Variants in CRYAB observed in about 807,000 individuals in gnomAD.
CRYAB encodes the protein crystallin alpha B.
CRYAB carries 9 observed loss-of-function variants against 12.7 expected under a neutral mutation model. The observed-to-expected ratio is 0.71, with a 90% confidence interval of 0.43 to 1.24. CRYAB has a LOEUF of 1.24. CRYAB is among the 50% of genes most tolerant of loss of function. The pLI is 0.00. For synonymous variants in CRYAB, 93 were observed against 86.8 expected (o/e 1.07, Z -0.40); for missense variants, 183 against 226.6 (o/e 0.81, Z 1.24).
upstream of CRYAB, chr11:111,913,738 G>A (rs587739341): frequency 7.9e-5 from 127 of 1,614,046 alleles, no homozygotes; most frequent in South Asian, 1.3e-3. Flanking sequence ...GACCCCTGGC[G>A]AGTCCGAGCT....
intron 1 of CRYAB, 156 bp from the exon 2 acceptor site, chr11:111,910,605 T>C: frequency 2.1e-6 from 2 of 959,062 alleles, no homozygotes; most frequent in Non-Finnish European, 3.2e-6. Flanking sequence ...AACATAGCTG[T>C]CTGCTTCAGG....
intron 1 of CRYAB, chr11:111,918,758 C>T: frequency 1.5e-6 from 1 of 685,560 alleles, no homozygotes; most frequent in South Asian, 1.5e-5. Flanking sequence ...AGATAGCTCT[C>T]ACCTGGAGCC....
chr11:111,918,588 C>T (rs1301630800), intron 1 of CRYAB: 1 of 600,982 alleles, frequency 1.7e-6, no homozygotes, highest in Non-Finnish European at 3.0e-6. Context: ...ACATTAGGCA[C>T]TCATCTATTA....
chr11:111,917,512 C>G (rs1297254738), upstream of CRYAB, among the ~76,000 whole-genome samples: 1 of 151,900 alleles, frequency 6.6e-6, no homozygotes, highest in Non-Finnish European at 1.5e-5. Context: ...CATAGCAAGA[C>G]CCTATCTTGG....
chr11:111,913,743 C>A (rs1965547666), upstream of CRYAB: 3 of 1,614,040 alleles, frequency 1.9e-6, no homozygotes. Context: ...CTGGCGAGTC[C>A]GAGCTGCTCT....
chr11:111,912,780 C>A, upstream of CRYAB: 1 of 1,455,300 alleles, frequency 6.9e-7, no homozygotes, highest in Non-Finnish European at 9.4e-7. Flanking sequence ...GGTCGCGCTG[C>A]GCCTGTTGGG....
At chr11:111,909,391 A>G in intron 2 of CRYAB, 1 of 359,294 alleles carries the variant, frequency 2.8e-6, no homozygotes, top group South Asian at 2.2e-5. Flanking sequence ...AAAAAAAAAA[A>G]AAAATGACTC....
At chr11:111,912,671 T>TC, upstream of CRYAB, 3 of 553,902 alleles carry the variant, frequency 5.4e-6, no homozygotes, top group South Asian at 1.9e-5. Flanking sequence ...GGGCCCCCAC[T>TC]CCCAGCCCCT....
chr11:111,916,064 A>T (rs1162250735), upstream of CRYAB, among the ~76,000 whole-genome samples: 3 of 152,004 alleles, frequency 2.0e-5, no homozygotes, highest in East Asian at 5.8e-4. Flanking sequence ...TTTGGTCTTA[A>T]CTGACTTAAC....
chr11:111,913,742 C>T (rs782136947), upstream of CRYAB: 5 of 1,614,180 alleles, frequency 3.1e-6, no homozygotes, highest in Admixed American at 8.3e-5. Flanking sequence ...CCTGGCGAGT[C>T]CGAGCTGCTC....
At chr11:111,913,317 G>A (rs553381463), upstream of CRYAB, 10 of 737,094 alleles carry the variant, frequency 1.4e-5, no homozygotes, top group Admixed American at 6.8e-5. Flanking sequence ...CCTCCCTCCC[G>A]TTCCCTACTC....
At chr11:111,918,835 A>G in intron 1 of CRYAB, 1 of 998,438 alleles carries the variant, frequency 1.0e-6, no homozygotes, top group East Asian at 2.6e-5. Context: ...GGTGGCTTCA[A>G]AAGTCCAACC....
intron 2 of CRYAB, chr11:111,909,205 C>A (rs1555165300): frequency 5.0e-6 from 3 of 601,606 alleles, no homozygotes; most frequent in Non-Finnish European, 9.3e-6. Flanking sequence ...GTTTTTCAAA[C>A]CCTGAGGCAT....
upstream of CRYAB, chr11:111,912,674 CAGCCCCT>C: frequency 1.8e-6 from 1 of 569,008 alleles, no homozygotes; most frequent in East Asian, 3.3e-5. Flanking sequence ...CCCCCACTCC[CAGCCCCT>C]CCCCCCCCAA....
In CRYAB at chr11:111,908,863, G is replaced by A. The variant is rs1555165238; in HGVS notation, c.429C>T (p.Leu143=). ...CCTGTTTCCTTGGTCCATTCACAGTGAGGACCCCATCAGATGACAGGGATG... is the reference window on the plus strand; with the variant it reads ...CCTGTTTCCTTGGTCCATTCACAGTAAGGACCCCATCAGATGACAGGGATG... ...ITSSLSSDGV[L]TVNGPRKQVS... is the part of the protein sequence containing the mutation. The change falls in exon 3 of 3, where the codon CTC becomes CTT. Residue 143 remains leucine (L), a synonymous_variant. Transcript: ENST00000650687. 6.2e-7 allele frequency: 1 copy of A among 1,614,088 alleles called. No homozygotes were observed. The highest frequency in any genetic ancestry group is 2.2e-5 in the East Asian group (1 of 44,878).
chr11:111,910,841 G>T, intron 1 of CRYAB: 1 of 331,580 alleles, frequency 3.0e-6, no homozygotes, highest in Non-Finnish European at 5.8e-6. Context: ...ACCCAATCTG[G>T]AATGTTCTGC....
chr11:111,922,815 G>A (rs1370999366), intron 1 of CRYAB, among the ~76,000 whole-genome samples: 3 of 151,970 alleles, frequency 2.0e-5, no homozygotes, highest in Non-Finnish European at 4.4e-5. Flanking sequence ...TACATCAGAG[G>A]GTATACACAT....
upstream of CRYAB, chr11:111,911,786 C>T (rs978603406): frequency 1.3e-4 from 157 of 1,166,858 alleles, no homozygotes; most frequent in Non-Finnish European, 1.9e-4. Context: ...CAGCTACAGC[C>T]AGCCCCTTAT....
chr11:111,909,202 A>G (rs1555165296), intron 2 of CRYAB: 1 of 608,044 alleles, frequency 1.6e-6, no homozygotes, highest in Non-Finnish European at 3.1e-6. Context: ...ATTGTTTTTC[A>G]AACCCTGAGG....
Sources: gnomAD v4.1 joint callset for allele counts (sites outside exome capture counted in the v4.1 genomes callset) on GRCh38, gnomAD v4.1.1 for gene constraint, MANE v1.5 for transcripts, NCBI Gene and HGNC (gene_info 2026-07-23, HGNC 2026-07-21) for gene names.